The following LRRC37A2 variants were observed in gnomAD, a reference collection of about 807,000 sequenced individuals.
LRRC37A2 encodes leucine-rich repeat-containing protein 37A2.
Under a neutral mutation model 68.8 loss-of-function variants are expected in LRRC37A2, and 9 were observed. That is an observed-to-expected ratio of 0.13 (90% CI 0.08 to 0.23). The LOEUF (loss-of-function observed/expected upper bound fraction) is 0.23. Ranked by LOEUF, LRRC37A2 falls within the 10% of genes least tolerant of loss-of-function variation. The pLI is 1.00. For missense variants in LRRC37A2, 168 were observed against 950.4 expected (o/e 0.18, Z 10.82); for synonymous variants, 63 against 367.6 (o/e 0.17, Z 9.48).
the LRRC37A2 span, among the ~76,000 whole-genome samples, chr17:46,883,262 G>A: frequency 2.0e-5 from 3 of 150,988 alleles, no homozygotes; most frequent in Non-Finnish European, 2.9e-5. Context: ...GATTACAGGC[G>A]TGAGCTACTG....
At chr17:46,405,868 ATATAT>A in the LRRC37A2 span, among the ~76,000 whole-genome samples, 5 of 140,368 alleles carry the variant, frequency 3.6e-5, no homozygotes, top group Admixed American at 1.4e-4. Flanking sequence ...TATTGGTTAA[ATATAT>A]TATATAAAGG....
chr17:46,921,974 C>A, the LRRC37A2 span, among the ~76,000 whole-genome samples: 1 of 152,186 alleles, frequency 6.6e-6, no homozygotes, highest in African/African-American at 2.4e-5. Context: ...CCAGCCATCC[C>A]ATTACTGGGT....
At chr17:46,889,345 C>T in the LRRC37A2 span, among the ~76,000 whole-genome samples, 2 of 152,080 alleles carry the variant, frequency 1.3e-5, no homozygotes, top group Admixed American at 1.3e-4. Context: ...GGGGGTGGCT[C>T]AGCATGTCTG....
At chr17:46,740,274 G>A in the LRRC37A2 span, among the ~76,000 whole-genome samples, 1 of 152,218 alleles carries the variant, frequency 6.6e-6, no homozygotes, top group Non-Finnish European at 1.5e-5. Context: ...AAGGAGCAAT[G>A]TGGGCTCTGT....
the LRRC37A2 span, among the ~76,000 whole-genome samples, chr17:46,812,846 A>G: frequency 6.6e-6 from 1 of 152,178 alleles, no homozygotes; most frequent in Non-Finnish European, 1.5e-5. Flanking sequence ...TAACATCGAT[A>G]TGCTTCCTGT....
chr17:46,988,870 G>T, the LRRC37A2 span, among the ~76,000 whole-genome samples: 2 of 152,202 alleles, frequency 1.3e-5, no homozygotes, highest in African/African-American at 4.8e-5. Context: ...GTGAAAGCCA[G>T]TCCCTGCCTT....
the LRRC37A2 span, among the ~76,000 whole-genome samples, chr17:46,782,734 G>T: frequency 6.6e-6 from 1 of 152,238 alleles, no homozygotes; most frequent in Non-Finnish European, 1.5e-5. Context: ...TGTGGATGAG[G>T]GAGGCCACAG....
At chr17:46,545,266 T>C (rs2145700480) in intron 8 of LRRC37A2, among the ~76,000 whole-genome samples, 1 of 138,312 alleles carries the variant, frequency 7.2e-6, no homozygotes, top group African/African-American at 3.0e-5. Flanking sequence ...ACTCTGTCAC[T>C]ACTGAAAATA....
At chr17:46,801,152 C>A in the LRRC37A2 span, among the ~76,000 whole-genome samples, 1 of 152,146 alleles carries the variant, frequency 6.6e-6, no homozygotes, top group Non-Finnish European at 1.5e-5. Context: ...TGAAGTCCAC[C>A]CAGATAAAAA....
chr17:46,699,402 G>GACACAC, the LRRC37A2 span, among the ~76,000 whole-genome samples: 13,351 of 145,308 alleles, frequency 0.092, no homozygotes, highest in Non-Finnish European at 0.14. Context: ...ATAAACTGAG[G>GACACAC]ACACACACAC....
At chr17:46,815,274 C>G in the LRRC37A2 span, among the ~76,000 whole-genome samples, 1 of 152,162 alleles carries the variant, frequency 6.6e-6, no homozygotes, top group Non-Finnish European at 1.5e-5. Context: ...TTTCCTGTCC[C>G]GGCTCTGTCA....
the LRRC37A2 span, among the ~76,000 whole-genome samples, chr17:46,495,591 G>A: frequency 6.7e-6 from 1 of 149,822 alleles, no homozygotes; most frequent in East Asian, 2.0e-4. Context: ...CACCATGTTG[G>A]CCAGGCTGGT....
chr17:46,818,451 G>T, the LRRC37A2 span: 2 of 1,514,224 alleles, frequency 1.3e-6, no homozygotes, highest in South Asian at 2.4e-5. Context: ...ACCCCCAGCC[G>T]GCGCCCCCAC....
chr17:46,881,201 G>T, the LRRC37A2 span, among the ~76,000 whole-genome samples: 1 of 152,216 alleles, frequency 6.6e-6, no homozygotes, highest in Non-Finnish European at 1.5e-5. Context: ...CCCTGCTGGG[G>T]TCCACATTGC....
the LRRC37A2 span, among the ~76,000 whole-genome samples, chr17:46,985,333 A>G: frequency 6.6e-6 from 1 of 152,084 alleles, no homozygotes; most frequent in Non-Finnish European, 1.5e-5. Context: ...AGCCTGACCA[A>G]CATGGTGAAA....
chr17:46,505,555 ACTG>A, the LRRC37A2 span, among the ~76,000 whole-genome samples: 1 of 49,226 alleles, frequency 2.0e-5, no homozygotes, highest in African/African-American at 1.5e-4. Context: ...GCAACCTCAA[ACTG>A]CTGGGCTCAA....
chr17:46,580,029 G>A, the LRRC37A2 span, among the ~76,000 whole-genome samples: 1 of 149,866 alleles, frequency 6.7e-6, no homozygotes, highest in African/African-American at 2.5e-5. Context: ...CACACCAACC[G>A]GGAGGGGACA....
At chr17:46,729,929 G>A in the LRRC37A2 span, among the ~76,000 whole-genome samples, 4 of 152,052 alleles carry the variant, frequency 2.6e-5, no homozygotes, top group Admixed American at 6.6e-5. Context: ...CAACATATGT[G>A]TACTGTGGAA....
At chr17:46,492,386 A>T in the LRRC37A2 span, among the ~76,000 whole-genome samples, 1 of 150,934 alleles carries the variant, frequency 6.6e-6, no homozygotes, top group Non-Finnish European at 1.5e-5. Flanking sequence ...GCAGTCCTTT[A>T]TATGAGTGTA....
Sources: gnomAD v4.1 joint callset for allele counts (sites outside exome capture counted in the v4.1 genomes callset) on GRCh38, gnomAD v4.1.1 for gene constraint, MANE v1.5 for transcripts, NCBI Gene and HGNC (gene_info 2026-07-23, HGNC 2026-07-21) for gene names.